The following NR3C1 variants were observed in gnomAD, a reference collection of about 807,000 sequenced individuals.
NR3C1 encodes nuclear receptor subfamily 3 group C member 1, also known as glucocorticoid receptor.
NR3C1 carries 14 observed loss-of-function variants against 74.0 expected under a neutral mutation model. The ratio of observed to expected loss-of-function variants is 0.19; its 90% CI spans 0.12 to 0.30. NR3C1 has a LOEUF of 0.30. Among genes scored for constraint, NR3C1 ranks in the 10% least tolerant of loss-of-function variants. The pLI is 1.00. For missense variants in NR3C1, 695 were observed against 909.8 expected, an observed-to-expected ratio of 0.76 and a Z score of 3.04; for synonymous variants, 308 against 332.5, an observed-to-expected ratio of 0.93 and a Z score of 0.80.
At chr5:143,376,760 A>T (rs540971358) in intron 2 of NR3C1, among the ~76,000 whole-genome samples, 1 of 152,306 alleles carries the variant, frequency 6.6e-6, no homozygotes, top group African/African-American at 2.4e-5. Context: ...AGGGAAGATG[A>T]TGTACAGAAA....
intron 2 of NR3C1, among the ~76,000 whole-genome samples, chr5:143,394,487 A>T (rs999461735): frequency 2.6e-5 from 4 of 151,922 alleles, no homozygotes; most frequent in Non-Finnish European, 5.9e-5. Context: ...ATGGCTGTAA[A>T]AGGGCACTAT....
At chr5:143,387,885 T>G (rs1315448030) in intron 2 of NR3C1, among the ~76,000 whole-genome samples, 1 of 152,164 alleles carries the variant, frequency 6.6e-6, no homozygotes, top group South Asian at 2.1e-4. Context: ...ACACACACAC[T>G]TATCTGAAAA....
chr5:143,297,807 A>G (rs1817626020), intron 6 of NR3C1, among the ~76,000 whole-genome samples: 1 of 152,216 alleles, frequency 6.6e-6, no homozygotes, highest in Non-Finnish European at 1.5e-5. Context: ...TGTGAACACC[A>G]AGAGTCTAAG....
At position 143,282,577 on chromosome 5, in the gene NR3C1, A is replaced by T; in HGVS notation, c.2172T>A (p.Ser724=). The T allele has an allele frequency of 6.2e-7, 1 of 1,613,910 alleles. No individual in the cohort carries two copies. Among genetic ancestry groups the T allele is most frequent in the Non-Finnish European group, 8.5e-7 (1 of 1,179,866 alleles). ...RFYQLTKLLD[S]MHEVVENLLN... ...TATGTTTGACACTTACTTCATGCAT[A>T]GAATCCAAGAGTTTTGTCAGTTGAT... The change falls in exon 8 of 9, where the codon TCT becomes TCA. Residue 724 remains serine, a synonymous_variant. Transcript: ENST00000394464.
intron 1 of NR3C1, among the ~76,000 whole-genome samples, chr5:143,413,967 A>G (rs917111158): frequency 2.6e-5 from 4 of 152,224 alleles, no homozygotes; most frequent in African/African-American, 9.7e-5. Flanking sequence ...AAATATTAAC[A>G]GTGACATAAA....
At chr5:143,339,068 C>T (rs554804215) in intron 2 of NR3C1, among the ~76,000 whole-genome samples, 217 of 152,248 alleles carry the variant, frequency 1.4e-3, no homozygotes, top group Non-Finnish European at 2.2e-3. Context: ...ACCATATGGT[C>T]CAGGTGTACT....
At chr5:143,415,840 A>T (rs1173754932) in intron 1 of NR3C1, among the ~76,000 whole-genome samples, 1 of 152,172 alleles carries the variant, frequency 6.6e-6, no homozygotes, top group Non-Finnish European at 1.5e-5. Flanking sequence ...GGCTCATTTT[A>T]AAAATGCTTG....
chr5:143,382,036 A>T lies in NR3C1; in HGVS notation c.1184+17620T>A, dbSNP rs148816642. ...CTACCCATCTGAGAAGGGATTAATA[A>T]CTAGAATATATAAAGAGTTCAGACA... On this transcript the variant is annotated intron_variant, in intron 2 of 8. Transcript: ENST00000394464. 2.3e-3 allele frequency among the ~76,000 whole-genome samples: 352 copies of T among 152,312 alleles called. 2 individuals are homozygous for T. Among genetic ancestry groups the T allele is most frequent in the Non-Finnish European group, 3.9e-3 (267 of 68,008 alleles).
intron 4 of NR3C1, among the ~76,000 whole-genome samples, chr5:143,309,648 C>A (rs558707958): frequency 8.1e-4 from 123 of 151,946 alleles, no homozygotes; most frequent in African/African-American, 2.7e-3. Context: ...TTCCCACCAC[C>A]CCCCGCTTGA....
At chr5:143,364,301 T>C (rs1254761812) in intron 2 of NR3C1, among the ~76,000 whole-genome samples, 1 of 152,122 alleles carries the variant, frequency 6.6e-6, no homozygotes, top group Non-Finnish European at 1.5e-5. Context: ...ACACTATCCT[T>C]CAAAAATGAA....
At chr5:143,346,626 G>T (rs547569258) in intron 2 of NR3C1, among the ~76,000 whole-genome samples, 1 of 152,046 alleles carries the variant, frequency 6.6e-6, no homozygotes, top group Non-Finnish European at 1.5e-5. Flanking sequence ...CAAGGAGATC[G>T]CCACCAAAAT....
upstream of NR3C1, chr5:143,405,241 A>G (rs1841034494): frequency 1.5e-5 from 15 of 985,792 alleles, no homozygotes; most frequent in Non-Finnish European, 1.7e-5. Context: ...GCGCCCCCAC[A>G]GGTGACATCG....
intron 2 of NR3C1, among the ~76,000 whole-genome samples, chr5:143,393,129 T>C (rs973013105): frequency 2.6e-5 from 4 of 152,178 alleles, no homozygotes; most frequent in Non-Finnish European, 4.4e-5. Flanking sequence ...GCCCCACCTC[T>C]CGGGTGCTAA....
Position 143,295,271 on chromosome 5 carries a change from TTTGTC to T in NR3C1, c.2023+184_2023+188del, listed in dbSNP as rs1280459282. 5 of 985,214 alleles carry T rather than the reference TTTGTC, an allele frequency of 5.1e-6. No individual in the cohort carries two copies. In the Admixed American group the frequency reaches 2.5e-4, roughly 48 times the overall value. 61.0% of individuals were successfully genotyped at this position (985,214 alleles called of 1,614,324 possible). ...TACCTCTCTGTTTCTGCCATACCTA[TTTGTC>T]TTATTAATCTTGGTGTCACTTACTG... On this transcript the variant is annotated intron_variant, in intron 7 of 8. Transcript: ENST00000394464.
intron 2 of NR3C1, among the ~76,000 whole-genome samples, chr5:143,329,056 T>C (rs1000238103): frequency 2.0e-5 from 3 of 152,186 alleles, no homozygotes; most frequent in Non-Finnish European, 4.4e-5. Context: ...TTCTCTGTAT[T>C]AGTCAGTTTT....
intron 2 of NR3C1, among the ~76,000 whole-genome samples, chr5:143,378,088 A>G (rs1835539279): frequency 6.6e-6 from 1 of 152,078 alleles, no homozygotes; most frequent in Non-Finnish European, 1.5e-5. Context: ...TGTCTCTACA[A>G]AAGATTTAAA....
chr5:143,336,075 T>C (rs555637416), intron 2 of NR3C1, among the ~76,000 whole-genome samples: 25 of 152,346 alleles, frequency 1.6e-4, no homozygotes, highest in African/African-American at 5.5e-4. Flanking sequence ...TTAGTAAGAA[T>C]GTTTTGGATG....
intron 1 of NR3C1, among the ~76,000 whole-genome samples, chr5:143,427,561 C>T (rs565088353): frequency 1.3e-5 from 2 of 152,098 alleles, no homozygotes; most frequent in Non-Finnish European, 2.9e-5. Flanking sequence ...GTGGGAAGGC[C>T]GTAGCCAGTG....
At chr5:143,374,863 C>T (rs1834894216) in intron 2 of NR3C1, among the ~76,000 whole-genome samples, 1 of 152,172 alleles carries the variant, frequency 6.6e-6, no homozygotes, top group Non-Finnish European at 1.5e-5. Context: ...TGTATGCACA[C>T]ATACATGCAC....
Sources: allele counts gnomAD v4.1 joint callset (sites outside exome capture counted in the v4.1 genomes callset), GRCh38; gene constraint gnomAD v4.1.1; transcripts MANE v1.5; gene names NCBI Gene and HGNC (gene_info 2026-07-23, HGNC 2026-07-21).